SUSD4: variants seen among roughly 807,000 people sequenced by gnomAD.
SUSD4 encodes the protein sushi domain-containing protein 4.
Under a neutral mutation model 50.5 loss-of-function variants are expected in SUSD4, and 41 were observed. The observed-to-expected ratio is 0.81, with a 90% CI of 0.63 to 1.05. The LOEUF (loss-of-function observed/expected upper bound fraction) is 1.05, where lower values mean the gene tolerates loss of function less well. SUSD4 is among the 50% of genes least tolerant of loss of function. The pLI, the probability that SUSD4 is intolerant of heterozygous loss-of-function variation, is 0.00. For synonymous variants in SUSD4, 257 were observed against 257.3 expected (o/e 1.00, Z 0.01); for missense variants, 580 against 634.7 (o/e 0.91, Z 0.93).
intron 6 of SUSD4, among the ~76,000 whole-genome samples, chr1:223,228,100 G>A (rs1659644522): frequency 6.6e-6 from 1 of 152,166 alleles, no homozygotes; most frequent in Non-Finnish European, 1.5e-5. Flanking sequence ...AAGGGGTGGG[G>A]GAGTGGGAAG....
intron 5 of SUSD4, among the ~76,000 whole-genome samples, chr1:223,239,653 T>C: frequency 6.6e-6 from 1 of 152,080 alleles, no homozygotes; most frequent in East Asian, 1.9e-4. Context: ...AAAATGATAC[T>C]AATTTTTCCT....
At chr1:223,315,896 A>T (rs187457306) in intron 2 of SUSD4, among the ~76,000 whole-genome samples, 2 of 152,310 alleles carry the variant, frequency 1.3e-5, no homozygotes, top group Non-Finnish European at 2.9e-5. Context: ...TTGCAAGGGA[A>T]GGGGATGCTA....
chr1:223,254,773 G>A (rs712859), intron 5 of SUSD4, among the ~76,000 whole-genome samples: 6,653 of 152,270 alleles, frequency 0.044, 428 homozygotes, highest in African/African-American at 0.14. Context: ...CCAAGAAGAG[G>A]AGGAAGCTAC....
chr1:223,272,227 C>T lies in SUSD4; in HGVS notation c.362-3552G>A, dbSNP rs893809225. ...AATATTCATCAAAATCTGCTTCTGT[C>T]CTATTGAATCTGGTCAACAATTAGA... On this transcript the variant is annotated intron_variant, in intron 3 of 8. Coordinates refer to ENST00000366878, the MANE Select transcript of SUSD4 (RefSeq NM_017982.4). 5.3e-5 allele frequency among the ~76,000 whole-genome samples: 8 copies of T among 152,286 alleles called. No homozygotes were observed. In the East Asian group the frequency reaches 1.5e-3, roughly 29 times the overall value.
chr1:223,295,199 C>T (rs1240691524), intron 2 of SUSD4, among the ~76,000 whole-genome samples: 1 of 151,970 alleles, frequency 6.6e-6, no homozygotes, highest in African/African-American at 2.4e-5. Context: ...ATAGCTAGGG[C>T]CAAGTATAAG....
chr1:223,315,007 C>G (rs1666099402), intron 2 of SUSD4, among the ~76,000 whole-genome samples: 1 of 152,188 alleles, frequency 6.6e-6, no homozygotes, highest in African/African-American at 2.4e-5. Flanking sequence ...GAGTGGAGCT[C>G]TGAGACCACT....
chr1:223,329,168 C>G (rs1667037494), intron 2 of SUSD4, among the ~76,000 whole-genome samples: 1 of 152,140 alleles, frequency 6.6e-6, no homozygotes, highest in African/African-American at 2.4e-5. Context: ...TATCAACGGG[C>G]ATAAACAAGA....
chr1:223,362,428 T>C (rs918807582), intron 2 of SUSD4, among the ~76,000 whole-genome samples: 4 of 152,316 alleles, frequency 2.6e-5, no homozygotes, highest in South Asian at 4.1e-4. Flanking sequence ...ACGTTTGCAA[T>C]GGACAGGAAT....
chr1:223,266,314 A>C (rs1662485886), intron 4 of SUSD4, among the ~76,000 whole-genome samples: 2 of 152,194 alleles, frequency 1.3e-5, no homozygotes, highest in African/African-American at 4.8e-5. Context: ...AGTGAAGTGT[A>C]TGTGTGTTTA....
At chr1:223,281,658 T>C (rs1663741291) in intron 3 of SUSD4, among the ~76,000 whole-genome samples, 2 of 152,080 alleles carry the variant, frequency 1.3e-5, no homozygotes, top group Non-Finnish European at 2.9e-5. Context: ...CTACTAGAGG[T>C]ACAAGGAGGA....
At chr1:223,239,402 G>A (rs1273998573) in intron 5 of SUSD4, among the ~76,000 whole-genome samples, 3 of 151,904 alleles carry the variant, frequency 2.0e-5, no homozygotes, top group African/African-American at 7.2e-5. Context: ...TGGTGCCTTT[G>A]TTCTTTGTTG....
chr1:223,295,613 C>G (rs1207946877), intron 2 of SUSD4, among the ~76,000 whole-genome samples: 1 of 151,992 alleles, frequency 6.6e-6, no homozygotes, highest in Admixed American at 6.6e-5. Flanking sequence ...AGCTGACCAG[C>G]ACCTGTCAGG....
At chr1:223,256,016 T>C (rs1324614779) in intron 5 of SUSD4, among the ~76,000 whole-genome samples, 1 of 152,148 alleles carries the variant, frequency 6.6e-6, no homozygotes, top group East Asian at 1.9e-4. Context: ...ACTTGGCACA[T>C]TGTACATCCC....
rs532458875 is a variant in SUSD4, at chr1:223,303,697, C to G, written c.149-11046G>C. On this transcript the variant is annotated intron_variant, in intron 2 of 8. Coordinates refer to ENST00000366878, the MANE Select transcript of SUSD4 (RefSeq NM_017982.4). ...TCTGGTCCCATGAGCCGCCAATGTA[C>G]TGGATATGCCAGCATTTATTATTAA... 2.0e-5 allele frequency among the ~76,000 whole-genome samples: 3 copies of G among 152,238 alleles called. No homozygotes were observed. The East Asian group carries it at 5.8e-4, about 29-fold the overall frequency.
In SUSD4 at chr1:223,290,683, A is replaced by G. The variant is rs1029341495; in HGVS notation, c.361+1756T>C. Among the ~76,000 whole-genome samples the G allele has an allele frequency of 2.0e-5, 3 of 152,110 alleles. No individual in the cohort carries two copies. In the East Asian group the frequency reaches 5.8e-4, roughly 29 times the overall value. On this transcript the variant is annotated intron_variant, in intron 3 of 8. Coordinates refer to ENST00000366878, the MANE Select transcript of SUSD4 (RefSeq NM_017982.4). Reference sequence around the variant, plus strand: ...AACTGTACATGAATTCCATTAAATAAGTAGAGAAAAAAAAAAGAATGACAC... The same window carrying G: ...AACTGTACATGAATTCCATTAAATAGGTAGAGAAAAAAAAAAGAATGACAC...
At chr1:223,323,770 A>T (rs979460010) in intron 2 of SUSD4, among the ~76,000 whole-genome samples, 2 of 152,148 alleles carry the variant, frequency 1.3e-5, no homozygotes, top group African/African-American at 4.8e-5. Flanking sequence ...AGAAGCACTC[A>T]AGGCCAGGAT....
intron 2 of SUSD4, among the ~76,000 whole-genome samples, chr1:223,294,305 G>A (rs1664686836): frequency 6.6e-6 from 1 of 152,210 alleles, no homozygotes; most frequent in Non-Finnish European, 1.5e-5. Flanking sequence ...AGACCTAGGA[G>A]ACAGTAAGTA....
intron 2 of SUSD4, among the ~76,000 whole-genome samples, chr1:223,298,161 T>G (rs1003907546): frequency 1.3e-5 from 2 of 151,818 alleles, no homozygotes; most frequent in Admixed American, 6.6e-5. Flanking sequence ...TTGGATTGGA[T>G]GGATGGATAA....
At chr1:223,263,570 G>A in intron 5 of SUSD4, 1 of 985,352 alleles carries the variant, frequency 1.0e-6, no homozygotes, top group Non-Finnish European at 1.2e-6. Context: ...CTAGGAGTAT[G>A]ACAAAACCAA....
Sources: allele counts gnomAD v4.1 joint callset (sites outside exome capture counted in the v4.1 genomes callset), GRCh38; gene constraint gnomAD v4.1.1; transcripts MANE v1.5; gene names NCBI Gene and HGNC (gene_info 2026-07-23, HGNC 2026-07-21).